The following INSL6 variants were observed in gnomAD, a reference collection of about 807,000 sequenced individuals.
The protein encoded by INSL6 is insulin-like peptide INSL6.
In INSL6, 16 loss-of-function variants were observed where a neutral mutation model predicts 9.4. The observed-to-expected ratio is 1.70, with a 90% CI of 1.15 to 2.59. The LOEUF is 2.59. INSL6 is among the 30% of genes most tolerant of loss of function. The pLI, the probability that INSL6 is intolerant of heterozygous loss-of-function variation, is 0.00. For missense variants in INSL6, 391 were observed against 257.3 expected, an observed-to-expected ratio of 1.52 and a Z score of -3.56; for synonymous variants, 154 against 96.9, an observed-to-expected ratio of 1.59 and a Z score of -3.46.
At chr9:5,111,678 G>C in the INSL6 span, 1 of 421,208 alleles carries the variant, frequency 2.4e-6, no homozygotes, top group Non-Finnish European at 4.7e-6. Context: ...GGCCCTGTGG[G>C]CAGTGGCGGA....
At chr9:5,063,470 C>T in the INSL6 span, among the ~76,000 whole-genome samples, 12 of 152,126 alleles carry the variant, frequency 7.9e-5, no homozygotes, top group Non-Finnish European at 1.3e-4. Context: ...TCATTCCTTT[C>T]TTATCCTGGT....
the INSL6 span, among the ~76,000 whole-genome samples, chr9:5,050,998 G>T: frequency 6.6e-6 from 1 of 152,134 alleles, no homozygotes; most frequent in Admixed American, 6.5e-5. Context: ...GATATTTCCA[G>T]ATTTTGGAAT....
chr9:5,034,082 A>G, the INSL6 span, among the ~76,000 whole-genome samples: 1 of 152,144 alleles, frequency 6.6e-6, no homozygotes, highest in African/African-American at 2.4e-5. Context: ...AAAGGCAGGG[A>G]TTGCAATCCT....
chr9:5,020,403 G>T, the INSL6 span, among the ~76,000 whole-genome samples: 1 of 152,176 alleles, frequency 6.6e-6, no homozygotes, highest in Non-Finnish European at 1.5e-5. Flanking sequence ...GTATCCTCAG[G>T]CCCTCCAGTG....
intron 2 of INSL6, among the ~76,000 whole-genome samples, chr9:5,134,654 C>T (rs901583561): frequency 1.3e-5 from 2 of 152,090 alleles, no homozygotes; most frequent in African/African-American, 4.8e-5. Context: ...ATTTTGTCAC[C>T]ATCAGGCCTG....
the INSL6 span, chr9:5,069,971 A>C: frequency 6.2e-7 from 1 of 1,606,724 alleles, no homozygotes. Context: ...TTTCTGATGT[A>C]CCAACCTCAC....
chr9:5,134,979 G>C (rs748990276), intron 2 of INSL6, among the ~76,000 whole-genome samples: 18 of 152,138 alleles, frequency 1.2e-4, no homozygotes, highest in Non-Finnish European at 2.1e-4. Context: ...CAAAATAAAG[G>C]AATGGAGGAA....
the INSL6 span, among the ~76,000 whole-genome samples, chr9:4,995,084 C>A: frequency 6.6e-6 from 1 of 152,152 alleles, no homozygotes; most frequent in Non-Finnish European, 1.5e-5. Context: ...CCTTTACTAA[C>A]ATTGTGTTTT....
chr9:5,112,005 C>G, the INSL6 span: 3 of 386,620 alleles, frequency 7.8e-6, no homozygotes, highest in Admixed American at 3.1e-5. Flanking sequence ...AGGGACGTCG[C>G]ACTAGCCTGG....
exon 4 of INSL6, among the ~76,000 whole-genome samples, chr9:5,123,949 T>C (rs1363807946): frequency 3.3e-5 from 5 of 151,746 alleles, no homozygotes; most frequent in Admixed American, 6.6e-5. Context: ...TTAATTTGCA[T>C]TTCTCTGGTG....
At chr9:5,182,321 G>C (rs1213354150) in intron 1 of INSL6, among the ~76,000 whole-genome samples, 2 of 151,928 alleles carry the variant, frequency 1.3e-5, no homozygotes, top group Non-Finnish European at 2.9e-5. Context: ...GAACAGGAAA[G>C]AATGCATAAT....
the INSL6 span, among the ~76,000 whole-genome samples, chr9:5,107,368 C>T: frequency 1.3e-5 from 2 of 152,078 alleles, no homozygotes; most frequent in Admixed American, 1.3e-4. Context: ...CTCCAACTGC[C>T]TCCCCTTTTC....
the INSL6 span, chr9:5,066,867 T>TATTTA: frequency 1.8e-6 from 1 of 565,048 alleles, no homozygotes; most frequent in South Asian, 3.7e-5. Context: ...TTACCATATT[T>TATTTA]CCTTTTTAAT....
At chr9:5,084,775 T>A in the INSL6 span, among the ~76,000 whole-genome samples, 14 of 152,176 alleles carry the variant, frequency 9.2e-5, no homozygotes, top group African/African-American at 3.4e-4. Flanking sequence ...TCAAGACACC[T>A]CAATTAGAAT....
intron 1 of INSL6, 52 bp downstream of exon 1, chr9:5,185,262 G>A (rs1462006467): frequency 2.5e-6 from 4 of 1,609,938 alleles, no homozygotes; most frequent in East Asian, 2.2e-5. Context: ...GCAAATGCAG[G>A]AATAAGAAAT....
chr9:5,167,981 TG>T (rs1450110632), intron 1 of INSL6, among the ~76,000 whole-genome samples: 1 of 152,148 alleles, frequency 6.6e-6, no homozygotes, highest in East Asian at 1.9e-4. Flanking sequence ...AGCAACCCTA[TG>T]GAAGAGTGGC....
intron 1 of INSL6, among the ~76,000 whole-genome samples, chr9:5,175,626 A>G (rs1213755294): frequency 6.6e-6 from 1 of 152,054 alleles, no homozygotes; most frequent in Non-Finnish European, 1.5e-5. Flanking sequence ...CTTCATCTAT[A>G]TTTACAGCTG....
chr9:5,157,746 G>A (rs184176063), intron 2 of INSL6, among the ~76,000 whole-genome samples: 4 of 152,232 alleles, frequency 2.6e-5, no homozygotes, highest in East Asian at 1.9e-4. Flanking sequence ...AACCCAGACT[G>A]GGAAGACTAC....
the INSL6 span, among the ~76,000 whole-genome samples, chr9:5,034,146 G>A: frequency 6.6e-6 from 1 of 152,124 alleles, no homozygotes; most frequent in Non-Finnish European, 1.5e-5. Flanking sequence ...AACAAAGAAG[G>A]CCATTACATA....
Sources: gnomAD v4.1 joint callset for allele counts (sites outside exome capture counted in the v4.1 genomes callset) on GRCh38, gnomAD v4.1.1 for gene constraint, MANE v1.5 for transcripts, NCBI Gene and HGNC (gene_info 2026-07-23, HGNC 2026-07-21) for gene names.